The following CAMK1D variants were observed in gnomAD, a reference collection of about 807,000 sequenced individuals.
CAMK1D encodes calcium/calmodulin-dependent protein kinase type 1D.
A neutral mutation model predicts 47.7 loss-of-function variants in CAMK1D; 9 were observed. That is an observed-to-expected ratio of 0.19 (90% confidence interval 0.11 to 0.33). CAMK1D has a LOEUF of 0.33. CAMK1D is among the 10% of genes least tolerant of loss of function. CAMK1D has a pLI of 1.00. For missense variants in CAMK1D, 291 were observed against 488.7 expected (o/e 0.60, Z 3.81); for synonymous variants, 184 against 184.9 (o/e 0.99, Z 0.04).
chr10:12,399,109 A>C (rs1325855018), intron 1 of CAMK1D, among the ~76,000 whole-genome samples: 3 of 152,148 alleles, frequency 2.0e-5, no homozygotes, highest in Non-Finnish European at 2.9e-5. Flanking sequence ...ATATGCATAG[A>C]GGTGGGTGAA....
chr10:12,602,400 G>A (rs1838328861), intron 2 of CAMK1D, among the ~76,000 whole-genome samples: 1 of 152,028 alleles, frequency 6.6e-6, no homozygotes. Flanking sequence ...GTTCATAGGT[G>A]GTCTACAGAT....
chr10:12,435,485 A>G (rs1832607380), intron 1 of CAMK1D, among the ~76,000 whole-genome samples: 2 of 151,970 alleles, frequency 1.3e-5, no homozygotes, highest in Admixed American at 1.3e-4. Flanking sequence ...AGTTCCTGTT[A>G]CCTCAAGGTA....
intron 5 of CAMK1D, 42 bp downstream of exon 5, chr10:12,769,841 G>T: frequency 6.2e-7 from 1 of 1,608,916 alleles, no homozygotes; most frequent in Non-Finnish European, 8.5e-7. Context: ...GTGTGTGTGT[G>T]ATGTCCTCAT....
chr10:12,379,534 A>G (rs570910585), intron 1 of CAMK1D, among the ~76,000 whole-genome samples: 11 of 151,956 alleles, frequency 7.2e-5, no homozygotes, highest in African/African-American at 2.2e-4. Flanking sequence ...CAGTGGATCA[A>G]CTGAGGTCAG....
intron 2 of CAMK1D, among the ~76,000 whole-genome samples, chr10:12,626,517 A>G (rs1481768564): frequency 7.4e-6 from 1 of 135,630 alleles, no homozygotes; most frequent in African/African-American, 2.7e-5. Context: ...TCTGTCTCCT[A>G]GGCTGGAGTG....
intron 3 of CAMK1D, among the ~76,000 whole-genome samples, chr10:12,727,811 T>C (rs1234925212): frequency 1.3e-5 from 2 of 150,142 alleles, no homozygotes; most frequent in Non-Finnish European, 3.0e-5. Flanking sequence ...TCACCTAGGC[T>C]GGAGTACAGG....
rs141080777 is a variant in CAMK1D at position 12,541,885 on chromosome 10, T to TCCTTCCTTCCTTCCTTC, written c.93-11336_93-11335insCCTTCCTTCCTTCCCTT. Among the ~76,000 whole-genome samples, 87 of 142,812 alleles carry TCCTTCCTTCCTTCCTTC rather than the reference T, an allele frequency of 6.1e-4. 2 individuals carry two copies. In the East Asian group the frequency reaches 0.011, roughly 19 times the overall value. 93.7% of individuals were successfully genotyped at this position (142,812 alleles called of 152,430 possible). A position where few individuals can be genotyped will look rare whatever the true frequency, so the allele number is the denominator to read the frequency against. Reference sequence around the variant, plus strand: ...TTCCTTCCTTCCTTCCTTCCTTCCTTCCTTTTTTTTTTTCAGGTCTCTCTT... The same window carrying TCCTTCCTTCCTTCCTTC: ...TTCCTTCCTTCCTTCCTTCCTTCCTTCCTTCCTTCCTTCCTTCCCTTTTTTTTTTTCAGGTCTCTCTT... On this transcript the variant is annotated intron_variant, in intron 1 of 10. Coordinates refer to ENST00000619168, the MANE Select transcript of CAMK1D (RefSeq NM_153498.4).
chr10:12,764,247 G>A (rs1482734668), intron 4 of CAMK1D, among the ~76,000 whole-genome samples: 4 of 152,098 alleles, frequency 2.6e-5, no homozygotes, highest in Non-Finnish European at 5.9e-5. Context: ...CAGGTGTGGT[G>A]GCAGGTGCCT....
intron 10 of CAMK1D, 69 bp downstream of exon 10, chr10:12,825,759 G>A: frequency 6.2e-7 from 1 of 1,608,714 alleles, no homozygotes; most frequent in Non-Finnish European, 8.5e-7. Flanking sequence ...AGAGGAGGGA[G>A]CCGGCATCTG....
chr10:12,733,847 A>G (rs1159123621), intron 3 of CAMK1D, among the ~76,000 whole-genome samples: 4 of 152,156 alleles, frequency 2.6e-5, no homozygotes, highest in Non-Finnish European at 4.4e-5. Context: ...AAAACCGTAC[A>G]TATCTATTAT....
chr10:12,661,647 G>T (rs928618119), intron 2 of CAMK1D, among the ~76,000 whole-genome samples: 3 of 152,206 alleles, frequency 2.0e-5, no homozygotes, highest in Non-Finnish European at 4.4e-5. Flanking sequence ...TTAGATCTGT[G>T]ACATCCCAGG....
chr10:12,641,199 T>C (rs756065919), intron 2 of CAMK1D, among the ~76,000 whole-genome samples: 52 of 152,318 alleles, frequency 3.4e-4, no homozygotes, highest in Non-Finnish European at 5.9e-4. Flanking sequence ...GAACGCCTGA[T>C]GTCAGGTGAT....
At chr10:12,376,733 A>T (rs1390543476) in intron 1 of CAMK1D, among the ~76,000 whole-genome samples, 1 of 151,438 alleles carries the variant, frequency 6.6e-6, no homozygotes, top group Non-Finnish European at 1.5e-5. Flanking sequence ...GAATGGCCTT[A>T]GTAACCATTT....
chr10:12,808,057 G>A (rs145454227), intron 6 of CAMK1D, among the ~76,000 whole-genome samples: 31 of 152,284 alleles, frequency 2.0e-4, no homozygotes, highest in African/African-American at 7.5e-4. Flanking sequence ...TTCCATGCTG[G>A]AATAAACTGC....
intron 1 of CAMK1D, among the ~76,000 whole-genome samples, chr10:12,518,139 A>G (rs1835265607): frequency 6.6e-6 from 1 of 152,158 alleles, no homozygotes; most frequent in Non-Finnish European, 1.5e-5. Context: ...GAACTGGTCT[A>G]TTTCATCTAA....
intron 1 of CAMK1D, among the ~76,000 whole-genome samples, chr10:12,365,987 C>T (rs1009830655): frequency 1.2e-4 from 19 of 152,172 alleles, no homozygotes; most frequent in African/African-American, 3.9e-4. Flanking sequence ...ACCTGGGAGC[C>T]GGAGGCTGCA....
rs531826115 is a variant in CAMK1D, at chr10:12,524,244, C to T, written c.93-28981C>T. 1.7e-3 allele frequency among the ~76,000 whole-genome samples: 256 copies of T among 151,920 alleles called. 1 individual carries two copies. The highest frequency in any genetic ancestry group is 3.3e-3 in the Admixed American group (50 of 15,258). ...CCTCCCAAAGTGCTGGAATTACAGG[C>T]GTGAGCCACTGCACCTGGCCAGGAT... On this transcript the variant is annotated intron_variant, in intron 1 of 10. Transcript: ENST00000619168.
chr10:12,662,651 C>CAAAAAAAAAAAAAAAAAAA lies in CAMK1D; in HGVS notation c.225-4072_225-4071insAAAAAAAAAAAAAAAAAAA, dbSNP rs56807588. Among the ~76,000 whole-genome samples, 22 of 140,496 alleles carry CAAAAAAAAAAAAAAAAAAA rather than the reference C, an allele frequency of 1.6e-4. 1 individual carries two copies. The highest frequency in any genetic ancestry group is 3.0e-4 in the Non-Finnish European group (19 of 64,222). 92.2% of individuals were successfully genotyped at this position (140,496 alleles called of 152,430 possible). ...TCGGAGACAGAGCAACACTCTGCCT[C>CAAAAAAAAAAAAAAAAAAA]AAAAAAAAAAAAAGGAGATTGTGTT... On this transcript the variant is annotated intron_variant, in intron 2 of 10. Transcript: ENST00000619168.
intron 3 of CAMK1D, among the ~76,000 whole-genome samples, chr10:12,707,129 A>G (rs1833756533): frequency 6.6e-6 from 1 of 152,216 alleles, no homozygotes; most frequent in Non-Finnish European, 1.5e-5. Context: ...CCCAGGACAT[A>G]GCCTGGAATT....
Sources: allele counts gnomAD v4.1 joint callset (sites outside exome capture counted in the v4.1 genomes callset), GRCh38; gene constraint gnomAD v4.1.1; transcripts MANE v1.5; gene names NCBI Gene and HGNC (gene_info 2026-07-23, HGNC 2026-07-21).